The following DNAH6 variants were observed in gnomAD, a reference collection of about 807,000 sequenced individuals.
DNAH6 encodes axonemal beta dynein heavy chain 6.
Under a neutral mutation model 491.4 loss-of-function variants are expected in DNAH6, and 340 were observed. The observed-to-expected ratio is 0.69, with a 90% confidence interval of 0.63 to 0.76. The LOEUF (loss-of-function observed/expected upper bound fraction) is 0.76, where lower values mean the gene tolerates loss of function less well. Among genes scored for constraint, DNAH6 ranks in the 30% least tolerant of loss-of-function variants. The probability of loss-of-function intolerance (pLI) is 0.00; values close to 1 mark genes in which losing one functional copy is unlikely to be tolerated. For synonymous variants in DNAH6, 1,603 were observed against 1,686.1 expected (o/e 0.95, Z 1.21); for missense variants, 4,443 against 4,972.2 (o/e 0.89, Z 3.20).
At chr2:84,622,551 T>C (rs1320941636) in intron 26 of DNAH6, among the ~76,000 whole-genome samples, 1 of 152,084 alleles carries the variant, frequency 6.6e-6, no homozygotes, top group Non-Finnish European at 1.5e-5. Context: ...CATGCCCAAC[T>C]CACATTCTCT....
chr2:84,585,032 CA>C (rs1240627185), intron 15 of DNAH6, among the ~76,000 whole-genome samples: 2 of 152,134 alleles, frequency 1.3e-5, no homozygotes, highest in African/African-American at 4.8e-5. Context: ...TTAAAGATTA[CA>C]GTATACCTTT....
intron 11 of DNAH6, among the ~76,000 whole-genome samples, chr2:84,568,323 A>T (rs1321647450): frequency 6.6e-6 from 1 of 152,220 alleles, no homozygotes; most frequent in Non-Finnish European, 1.5e-5. Flanking sequence ...ATCAATCCAA[A>T]TGCCCATAGT....
chr2:84,816,594 G>GT (rs1412378377), intron 76 of DNAH6, among the ~76,000 whole-genome samples: 9 of 152,180 alleles, frequency 5.9e-5, no homozygotes, highest in Admixed American at 5.9e-4. Context: ...ATGGTGGCGG[G>GT]TGCCAGTATT....
chr2:84,800,559 C>G (rs750536075), intron 70 of DNAH6, among the ~76,000 whole-genome samples: 4 of 152,142 alleles, frequency 2.6e-5, no homozygotes, highest in African/African-American at 7.2e-5. Context: ...TAAGAAAGAA[C>G]CAAACAGAGC....
At chr2:84,724,774 G>A (rs563694692) in intron 60 of DNAH6, among the ~76,000 whole-genome samples, 2 of 152,286 alleles carry the variant, frequency 1.3e-5, no homozygotes, top group Admixed American at 1.3e-4. Context: ...TTCCAAGAGG[G>A]CCTCTCCCCA....
At chr2:84,541,961 C>T (rs1226967349) in intron 4 of DNAH6, among the ~76,000 whole-genome samples, 1 of 152,138 alleles carries the variant, frequency 6.6e-6, no homozygotes, top group African/African-American at 2.4e-5. Context: ...ATGATCCAAC[C>T]TTTGAAAGGG....
At chr2:84,801,755 G>C (rs1678940619) in intron 70 of DNAH6, among the ~76,000 whole-genome samples, 1 of 151,872 alleles carries the variant, frequency 6.6e-6, no homozygotes, top group Admixed American at 6.6e-5. Flanking sequence ...GTGGTGGTGT[G>C]AACCTGTAAT....
chr2:84,738,373 T>A (rs1192321), intron 62 of DNAH6, among the ~76,000 whole-genome samples: 1 of 151,962 alleles, frequency 6.6e-6, no homozygotes, highest in African/African-American at 2.4e-5. Context: ...CAAATGGTCA[T>A]GTCGAATTTA....
chr2:84,780,126 T>A (rs1353675287), intron 64 of DNAH6, among the ~76,000 whole-genome samples: 1 of 152,136 alleles, frequency 6.6e-6, no homozygotes, highest in Non-Finnish European at 1.5e-5. Context: ...GGGATGGTCA[T>A]CTTATATAGT....
At chr2:84,686,634 T>C in intron 44 of DNAH6, 77 bp downstream of exon 44, 1 of 945,954 alleles carries the variant, frequency 1.1e-6, no homozygotes, top group Non-Finnish European at 1.6e-6. Context: ...ATGAATATTC[T>C]ATAAAAACTT....
At chr2:84,684,005 A>C (rs1444679629) in intron 42 of DNAH6, among the ~76,000 whole-genome samples, 1 of 152,166 alleles carries the variant, frequency 6.6e-6, no homozygotes, top group African/African-American at 2.4e-5. Flanking sequence ...CAGTTCTCAC[A>C]CAGGTTCCTG....
chr2:84,617,162 A>G (rs1294017326), intron 23 of DNAH6, among the ~76,000 whole-genome samples, 180 bp downstream of exon 23: 1 of 152,094 alleles, frequency 6.6e-6, no homozygotes, highest in African/African-American at 2.4e-5. Context: ...ATAAAATACA[A>G]TATTCAATAA....
At chr2:84,600,629 T>G (rs577099864) in intron 18 of DNAH6, among the ~76,000 whole-genome samples, 1 of 152,230 alleles carries the variant, frequency 6.6e-6, no homozygotes, top group African/African-American at 2.4e-5. Context: ...TTCTCATAAT[T>G]ACACTGGAAT....
intron 55 of DNAH6, 131 bp downstream of exon 55, chr2:84,709,677 A>AAGAG (rs1696848790): frequency 5.8e-6 from 6 of 1,040,684 alleles, no homozygotes; most frequent in Non-Finnish European, 8.4e-6. Context: ...TTAGACCTAG[A>AAGAG]AGAGAGTGTT....
chr2:84,646,696 ACT>A (rs1689931636), intron 33 of DNAH6, among the ~76,000 whole-genome samples: 1 of 152,180 alleles, frequency 6.6e-6, no homozygotes, highest in Non-Finnish European at 1.5e-5. Flanking sequence ...CAAGGCTCTG[ACT>A]CTCTTCAATT....
At chr2:84,669,642 A>G (rs1408301940) in intron 38 of DNAH6, 132 bp downstream of exon 38, 4 of 776,036 alleles carry the variant, frequency 5.2e-6, no homozygotes, top group Non-Finnish European at 8.3e-6. Flanking sequence ...TGCAGGAAGA[A>G]TATTATGCTG....
At chr2:84,751,283 T>C (rs1426764361) in intron 63 of DNAH6, 1 of 152,226 alleles carries the variant, frequency 6.6e-6, no homozygotes, top group Non-Finnish European at 1.5e-5. Flanking sequence ...ACAAGACCTC[T>C]GTGATGAGAG....
At chr2:84,736,014 C>A (rs908021069) in intron 62 of DNAH6, among the ~76,000 whole-genome samples, 1 of 151,534 alleles carries the variant, frequency 6.6e-6, no homozygotes, top group Non-Finnish European at 1.5e-5. Flanking sequence ...TTTTCTTCAA[C>A]CTTGAGTTAA....
intron 9 of DNAH6, among the ~76,000 whole-genome samples, chr2:84,552,144 G>A (rs1037453274): frequency 5.3e-5 from 8 of 151,842 alleles, no homozygotes; most frequent in African/African-American, 1.9e-4. Flanking sequence ...TAATACACAA[G>A]GTGGTATATC....
Sources: allele counts gnomAD v4.1 joint callset (sites outside exome capture counted in the v4.1 genomes callset), GRCh38; gene constraint gnomAD v4.1.1; transcripts MANE v1.5; gene names NCBI Gene and HGNC (gene_info 2026-07-23, HGNC 2026-07-21).